The following KIAA1755 variants were observed in gnomAD, a reference collection of about 807,000 sequenced individuals.
KIAA1755 encodes the protein uncharacterized protein KIAA1755.
KIAA1755 carries 68 observed loss-of-function variants against 91.7 expected under a neutral mutation model. That is an observed-to-expected ratio of 0.74 (90% CI 0.61 to 0.91). The LOEUF is 0.91. Among genes scored for constraint, KIAA1755 ranks in the 40% least tolerant of loss-of-function variants. The pLI, the probability that KIAA1755 is intolerant of heterozygous loss-of-function variation, is 0.00. For synonymous variants in KIAA1755, 610 were observed against 604.6 expected, an observed-to-expected ratio of 1.01 and a Z score of -0.13; for missense variants, 1,535 against 1,494.4, an observed-to-expected ratio of 1.03 and a Z score of -0.45.
chr20:38,250,620 G>C (rs2076235268), intron 1 of KIAA1755, among the ~76,000 whole-genome samples: 1 of 151,716 alleles, frequency 6.6e-6, no homozygotes, highest in South Asian at 2.1e-4. Context: ...AGAGGGAGGA[G>C]GATTCTAACA....
At position 38,240,884 on chromosome 20, in the gene KIAA1755, C is replaced by G; in HGVS notation, c.1247G>C (p.Gly416Ala). ...NPENMVQLRP[G>A]PRQASSPRLS... Reference sequence around the variant, plus strand: ...GCGGGGAGAGGAGGCTTGTCTTGGTCCAGGCCTGAGCTGCACCATATTCTC... The same window carrying G: ...GCGGGGAGAGGAGGCTTGTCTTGGTGCAGGCCTGAGCTGCACCATATTCTC... Residue 416 changes from glycine to alanine, a missense_variant, in exon 3 of 14, where the codon GGA becomes GCA. Transcript: ENST00000279024. 1.2e-6 allele frequency: 2 copies of G among 1,614,072 alleles called. No homozygotes were observed. Among genetic ancestry groups the G allele is most frequent in the Non-Finnish European group, 1.7e-6 (2 of 1,180,022 alleles).
chr20:38,249,531 C>A (rs749011823), intron 1 of KIAA1755, among the ~76,000 whole-genome samples: 1 of 152,168 alleles, frequency 6.6e-6, no homozygotes, highest in Non-Finnish European at 1.5e-5. Flanking sequence ...CCCTCCCACC[C>A]GTAGCCCACA....
At chr20:38,249,857 G>A (rs1264657138) in intron 1 of KIAA1755, among the ~76,000 whole-genome samples, 1 of 151,958 alleles carries the variant, frequency 6.6e-6, no homozygotes, top group Non-Finnish European at 1.5e-5. Flanking sequence ...GCAATCCTGG[G>A]AGCAGTCCCT....
chr20:38,260,722 A>G lies in KIAA1755; in HGVS notation c.-222T>C, dbSNP rs1313273132. 5.2e-5 allele frequency: 19 copies of G among 368,142 alleles called. No homozygotes were observed. The highest frequency in any genetic ancestry group is 3.9e-4 in the African/African-American group (18 of 46,368). 22.8% of individuals were successfully genotyped at this position (368,142 alleles called of 1,614,324 possible). A position where few individuals can be genotyped will look rare whatever the true frequency, so the allele number is the denominator to read the frequency against. On this transcript the variant is annotated 5_prime_UTR_variant, in exon 1 of 14. Transcript: ENST00000279024. ...AGACAGAGAGGGACTGAGGCTGGAG[A>G]CGGCGAGAGACATAAGGGAGCCGCG...
rs760107346 is a variant in KIAA1755 at position 38,241,375 on chromosome 20, C to T, written c.756G>A (p.Glu252=). The change falls in exon 3 of 14, where the codon GAG becomes GAA. Residue 252 remains glutamate (E), a synonymous_variant. Coordinates refer to ENST00000279024, the MANE Select transcript of KIAA1755 (RefSeq NM_001029864.2). ...GSKYPGLIKV[E]QARCGEVAFR... ...AAGCCACCTCCCCACACCGGGCTTG[C>T]TCCACCTTGATGAGTCCTGGATACT... 1.4e-5 allele frequency: 22 copies of T among 1,614,118 alleles called. No individual in the cohort carries two copies. The African/African-American group carries it at 1.9e-4, about 14-fold the overall frequency.
In KIAA1755 at chr20:38,253,670, G is replaced by A. The variant is rs145873402; in HGVS notation, c.3+6828C>T. On this transcript the variant is annotated intron_variant, in intron 1 of 13. Coordinates refer to ENST00000279024, the MANE Select transcript of KIAA1755 (RefSeq NM_001029864.2). ...GTGTTAACTGCAGTTACCCCTGAGGGCTGTGCGGGGCAGGGGCCTCGTAAG... is the reference window on the plus strand; with the variant it reads ...GTGTTAACTGCAGTTACCCCTGAGGACTGTGCGGGGCAGGGGCCTCGTAAG... 4.3e-3 allele frequency among the ~76,000 whole-genome samples: 654 copies of A among 152,328 alleles called. 9 individuals carry two copies. Among genetic ancestry groups the A allele is most frequent in the African/African-American group, 0.015 (631 of 41,568 alleles).
At chr20:38,217,130 C>G (rs2075559250) in intron 13 of KIAA1755, 123 bp downstream of exon 13, 1 of 824,996 alleles carries the variant, frequency 1.2e-6, no homozygotes, top group Non-Finnish European at 1.9e-6. Flanking sequence ...GTCTAGGTAT[C>G]CAAGGGATGG....
chr20:38,257,485 G>A (rs1432403309), intron 1 of KIAA1755, among the ~76,000 whole-genome samples: 1 of 151,578 alleles, frequency 6.6e-6, no homozygotes, highest in Non-Finnish European at 1.5e-5. Flanking sequence ...GGAGGCTGAG[G>A]CATGAGAATT....
intron 4 of KIAA1755, among the ~76,000 whole-genome samples, chr20:38,235,555 G>A (rs1027974646): frequency 5.4e-4 from 82 of 152,236 alleles, no homozygotes; most frequent in African/African-American, 1.7e-3. Context: ...AACATTGCTG[G>A]CTTTGAGGAT....
rs911117539 is a variant in KIAA1755, at chr20:38,211,622, G to A, written c.*1420C>T. On this transcript the variant is annotated 3_prime_UTR_variant, in exon 14 of 14. Transcript: ENST00000279024. ...AGAAGTGGAAGTTGGGCAGGGAAGG[G>A]GACAGAAGACATTGAGTTCAGGGAG... The A allele has an allele frequency of 1.3e-5, 2 of 152,402 alleles. No individual in the cohort carries two copies. The highest frequency in any genetic ancestry group is 4.8e-5 in the African/African-American group (2 of 41,450). The allele number at this position is 152,402 out of a possible 1,614,324, so 9.4% of individuals were successfully genotyped here. A position where few individuals can be genotyped will look rare whatever the true frequency, so the allele number is the denominator to read the frequency against.
rs115471999 is a variant in KIAA1755, at chr20:38,253,612, C to T, written c.3+6886G>A. 8.7e-3 allele frequency among the ~76,000 whole-genome samples: 1,323 copies of T among 152,196 alleles called. 19 individuals are homozygous for T. The highest frequency in any genetic ancestry group is 0.031 in the African/African-American group (1,286 of 41,514). ...TATAGTATGAATAAAACCATGTAAG[C>T]CTAGAAAAAACTCCAAGTGGACATT... On this transcript the variant is annotated intron_variant, in intron 1 of 13. Coordinates refer to ENST00000279024, the MANE Select transcript of KIAA1755 (RefSeq NM_001029864.2).
At chr20:38,238,051 C>G in intron 4 of KIAA1755, among the ~76,000 whole-genome samples, 1 of 152,120 alleles carries the variant, frequency 6.6e-6, no homozygotes, top group East Asian at 1.9e-4. Flanking sequence ...CAGGTCCTAT[C>G]TGTCTATTCT....
At position 38,227,234 on chromosome 20, in the gene KIAA1755, C is replaced by A. The variant is rs753151260; in HGVS notation, c.1972G>T (p.Val658Phe). 2 of 1,613,526 alleles carry A rather than the reference C, an allele frequency of 1.2e-6. No homozygotes were observed. Among genetic ancestry groups the A allele is most frequent in the Admixed American group, 1.7e-5 (1 of 59,994 alleles). ...AGAATAGCCCGGATAGAGGCTGGGA[C>A]CTGAGCCTGTCAAAGACAACCACTG... ...VSALQATQAQ[V>F]PASIRAILFL... Residue 658 changes from valine to phenylalanine, a missense_variant, in exon 7 of 14, where the codon GTC becomes TTC. Physicochemically the swap from Val to Phe is conservative, Grantham distance 50. Transcript: ENST00000279024.
intron 6 of KIAA1755, among the ~76,000 whole-genome samples, chr20:38,227,491 G>T (rs2075780701): frequency 6.6e-6 from 1 of 152,230 alleles, no homozygotes; most frequent in African/African-American, 2.4e-5. Context: ...GCCCCAGTTT[G>T]CCCATCTACA....
intron 9 of KIAA1755, chr20:38,222,914 T>G: frequency 4.7e-6 from 2 of 427,698 alleles, no homozygotes; most frequent in East Asian, 1.0e-4. Flanking sequence ...AGTGCAAATC[T>G]GATAACCCCT....
chr20:38,235,204 T>C (rs904495288), intron 4 of KIAA1755, among the ~76,000 whole-genome samples: 1 of 152,120 alleles, frequency 6.6e-6, no homozygotes, highest in African/African-American at 2.4e-5. Flanking sequence ...ATTTCAAAGA[T>C]CTATATGGAG....
chr20:38,218,432 C>G (rs147167248), intron 11 of KIAA1755, 66 bp from the exon 12 acceptor site: 104 of 1,592,592 alleles, frequency 6.5e-5, no homozygotes, highest in Middle Eastern at 2.0e-4. Flanking sequence ...CCAGCTCCCC[C>G]ACTTCCTTGC....
intron 10 of KIAA1755, among the ~76,000 whole-genome samples, chr20:38,221,538 A>C (rs893280374): frequency 3.7e-4 from 57 of 152,280 alleles, no homozygotes; most frequent in African/African-American, 1.3e-3. Context: ...GGGCCCCACC[A>C]CATCCCAGCT....
intron 1 of KIAA1755, among the ~76,000 whole-genome samples, chr20:38,259,301 C>T (rs1000828224): frequency 2.6e-5 from 4 of 152,102 alleles, no homozygotes; most frequent in African/African-American, 9.7e-5. Context: ...CCCGGTTTTG[C>T]AATATGTCTG....
Sources: gnomAD v4.1 joint callset for allele counts (sites outside exome capture counted in the v4.1 genomes callset) on GRCh38, gnomAD v4.1.1 for gene constraint, MANE v1.5 for transcripts, NCBI Gene and HGNC (gene_info 2026-07-23, HGNC 2026-07-21) for gene names.